SDK1: variants seen among roughly 807,000 people sequenced by gnomAD.
SDK1 encodes protein sidekick-1.
A neutral mutation model predicts 245.5 loss-of-function variants in SDK1; 157 were observed. The ratio of observed to expected loss-of-function variants is 0.64; its 90% CI spans 0.56 to 0.73. The LOEUF (loss-of-function observed/expected upper bound fraction) is 0.73, where lower values mean the gene tolerates loss of function less well. Ranked by LOEUF, SDK1 falls within the 30% of genes least tolerant of loss-of-function variation. The pLI is 0.00. For missense variants in SDK1, 3,583 were observed against 3,002.3 expected (o/e 1.19, Z -4.52); for synonymous variants, 1,647 against 1,278.5 (o/e 1.29, Z -6.15).
rs1411845354 is a variant in SDK1 at position 3,860,775 on chromosome 7, C to T, written c.847+39192C>T. ...TAGCTATAAATTAACTTGATAATGC[C>T]GCACCTGACACTGTAACCCACACCC... On this transcript the variant is annotated intron_variant, in intron 5 of 44. Coordinates refer to ENST00000404826, the MANE Select transcript of SDK1 (RefSeq NM_152744.4). Among the ~76,000 whole-genome samples the T allele has an allele frequency of 2.6e-5, 4 of 152,048 alleles. No homozygotes were observed. In the East Asian group the frequency reaches 5.8e-4, roughly 22 times the overall value.
intron 9 of SDK1, among the ~76,000 whole-genome samples, chr7:3,965,120 C>T (rs1781991979): frequency 6.6e-6 from 1 of 152,166 alleles, no homozygotes. Flanking sequence ...CTCAGCATTG[C>T]TGTAGTAACC....
At chr7:4,138,697 G>A (rs1584261209) in intron 28 of SDK1, among the ~76,000 whole-genome samples, 2 of 147,834 alleles carry the variant, frequency 1.4e-5, no homozygotes, top group Admixed American at 6.8e-5. Flanking sequence ...CAGTATAGCC[G>A]AGATCATACC....
chr7:3,877,393 T>C (rs765615251), intron 5 of SDK1, among the ~76,000 whole-genome samples: 1 of 152,168 alleles, frequency 6.6e-6, no homozygotes, highest in Non-Finnish European at 1.5e-5. Flanking sequence ...GCTATGACAT[T>C]GTTAAACGTT....
intron 25 of SDK1, among the ~76,000 whole-genome samples, chr7:4,125,119 A>G (rs1784301059): frequency 8.1e-6 from 1 of 123,100 alleles, no homozygotes; most frequent in Non-Finnish European, 1.7e-5. Context: ...TGGATGGGTG[A>G]ATGGATGGAT....
chr7:3,360,257 C>T (rs890470489), intron 1 of SDK1, among the ~76,000 whole-genome samples: 1 of 152,170 alleles, frequency 6.6e-6, no homozygotes, highest in Admixed American at 6.5e-5. Flanking sequence ...CCTGACACAG[C>T]AGGTGCTTGA....
At chr7:3,473,285 C>T (rs1225806384) in intron 1 of SDK1, among the ~76,000 whole-genome samples, 2 of 152,164 alleles carry the variant, frequency 1.3e-5, no homozygotes, top group African/African-American at 2.4e-5. Context: ...TGGTTCCACC[C>T]CAAATCCTTT....
chr7:3,979,318 A>G (rs1266266270), intron 13 of SDK1, among the ~76,000 whole-genome samples: 2 of 152,072 alleles, frequency 1.3e-5, no homozygotes, highest in African/African-American at 4.8e-5. Flanking sequence ...TTACCATCTT[A>G]TACTAGAATG....
At chr7:3,457,395 G>A (rs1191955033) in intron 1 of SDK1, among the ~76,000 whole-genome samples, 1 of 151,932 alleles carries the variant, frequency 6.6e-6, no homozygotes, top group Non-Finnish European at 1.5e-5. Flanking sequence ...CCTTTCCCGA[G>A]CCAATCCCCA....
At chr7:3,441,058 T>G (rs1021621845) in intron 1 of SDK1, among the ~76,000 whole-genome samples, 1 of 152,134 alleles carries the variant, frequency 6.6e-6, no homozygotes, top group Non-Finnish European at 1.5e-5. Context: ...TCACCCTACT[T>G]CATCTCATTA....
chr7:4,157,675 T>C (rs12701437), intron 30 of SDK1, among the ~76,000 whole-genome samples: 61,975 of 151,862 alleles, frequency 0.41, 14,877 homozygotes, highest in East Asian at 0.77. Flanking sequence ...TGTGGTCTTT[T>C]GTAAAGTGAC....
At chr7:3,908,095 G>A (rs1034116757) in intron 5 of SDK1, among the ~76,000 whole-genome samples, 1 of 152,054 alleles carries the variant, frequency 6.6e-6, no homozygotes, top group African/African-American at 2.4e-5. Context: ...CATTTATTGA[G>A]TGCCCGTAAT....
At chr7:4,011,414 C>G (rs989882054) in intron 15 of SDK1, among the ~76,000 whole-genome samples, 3 of 152,220 alleles carry the variant, frequency 2.0e-5, no homozygotes, top group African/African-American at 7.2e-5. Flanking sequence ...AAATTCAGAG[C>G]TCACATGTTT....
rs545673609 is a variant in SDK1 at position 4,000,917 on chromosome 7, A to AG, written c.2132-10043dup. ...CAGTACCTGTCAGAGGTGTTTATGA[A>AG]GGGGGGACCATGGCTGTGTTGGGGG... On this transcript the variant is annotated intron_variant, in intron 14 of 44. Transcript: ENST00000404826. Among the ~76,000 whole-genome samples the AG allele has an allele frequency of 4.5e-3, 680 of 152,094 alleles. 5 individuals carry two copies. Among genetic ancestry groups the AG allele is most frequent in the African/African-American group, 0.016 (645 of 41,488 alleles).
At chr7:3,585,172 A>G (rs1173126917) in intron 1 of SDK1, among the ~76,000 whole-genome samples, 3 of 152,198 alleles carry the variant, frequency 2.0e-5, no homozygotes, top group Non-Finnish European at 4.4e-5. Context: ...AGAGGACCTG[A>G]GCAAAGATAG....
chr7:4,209,028 G>T (rs1419065700), intron 37 of SDK1, among the ~76,000 whole-genome samples: 2 of 152,196 alleles, frequency 1.3e-5, no homozygotes, highest in African/African-American at 4.8e-5. Context: ...CAGGGCTCAG[G>T]GCCTTCCGAC....
At chr7:3,635,909 T>C in intron 2 of SDK1, among the ~76,000 whole-genome samples, 1 of 152,202 alleles carries the variant, frequency 6.6e-6, no homozygotes, top group East Asian at 1.9e-4. Context: ...TTCTGCCATA[T>C]TGCCCAGGCT....
In SDK1 at chr7:3,759,580, T is replaced by G. The variant is rs948667592; in HGVS notation, c.714-61870T>G. On this transcript the variant is annotated intron_variant, in intron 4 of 44. Transcript: ENST00000404826. ...TTCTCTGTTTTTTCTTTTTAAATTT[T>G]TTTCATTATTATTATTATTATTATT... 1.7e-4 allele frequency among the ~76,000 whole-genome samples: 24 copies of G among 143,132 alleles called. 1 individual carries two copies. The highest frequency in any genetic ancestry group is 6.1e-4 in the African/African-American group (22 of 36,280). 93.9% of individuals were successfully genotyped at this position (143,132 alleles called of 152,430 possible).
chr7:3,479,415 G>T (rs7780621), intron 1 of SDK1, among the ~76,000 whole-genome samples: 5 of 124,310 alleles, frequency 4.0e-5, no homozygotes, highest in Non-Finnish European at 6.4e-5. Context: ...GGGTGAGACT[G>T]TGTCTCAAAA....
rs995286554 is a variant in SDK1, at chr7:3,770,627, C to T, written c.714-50823C>T. On this transcript the variant is annotated intron_variant, in intron 4 of 44. Transcript: ENST00000404826. ...TGGGCACTTGTTGTGGAGAGATTCC[C>T]CCTTGCTGTGGCTGCCCAGCTGCCT... 8.5e-5 allele frequency among the ~76,000 whole-genome samples: 13 copies of T among 152,112 alleles called. 1 individual carries two copies. The highest frequency in any genetic ancestry group is 8.5e-4 in the Admixed American group (13 of 15,272).
Sources: gnomAD v4.1 joint callset for allele counts (sites outside exome capture counted in the v4.1 genomes callset) on GRCh38, gnomAD v4.1.1 for gene constraint, MANE v1.5 for transcripts, NCBI Gene and HGNC (gene_info 2026-07-23, HGNC 2026-07-21) for gene names.